The following GRK5 variants were observed in gnomAD, a reference collection of about 807,000 sequenced individuals.
GRK5 encodes G protein-coupled receptor kinase 5.
A neutral mutation model predicts 78.4 loss-of-function variants in GRK5; 40 were observed. The ratio of observed to expected loss-of-function variants is 0.51; its 90% CI spans 0.40 to 0.66. The LOEUF (loss-of-function observed/expected upper bound fraction) is 0.66, where lower values mean the gene tolerates loss of function less well. GRK5 is among the 30% of genes least tolerant of loss of function. The pLI is 0.00. For missense variants in GRK5, 598 were observed against 759.9 expected, an observed-to-expected ratio of 0.79 and a Z score of 2.50; for synonymous variants, 289 against 296.8, an observed-to-expected ratio of 0.97 and a Z score of 0.27.
chr10:119,277,278 G>A (rs1199025325), intron 1 of GRK5, among the ~76,000 whole-genome samples: 1 of 152,120 alleles, frequency 6.6e-6, no homozygotes, highest in Non-Finnish European at 1.5e-5. Flanking sequence ...CCCAACACCT[G>A]GCTGACTGCG....
intron 4 of GRK5, among the ~76,000 whole-genome samples, chr10:119,401,294 C>T (rs551212979): frequency 6.6e-5 from 10 of 152,312 alleles, no homozygotes; most frequent in African/African-American, 1.7e-4. Flanking sequence ...CCTACAAACC[C>T]GTGCCTGAAG....
Position 119,452,626 on chromosome 10 carries a change from G to A in GRK5, c.1405-45G>A, listed in dbSNP as rs1853311076. ...CAAGGCCTGGCTCGGGGCCACTGGA[G>A]CCGCAGGCGGGACATATGTGTGACC... On this transcript the variant is annotated intron_variant, in intron 13 of 15. Transcript: ENST00000392870. This position sits in a 1 kb window ranked among gnomAD's most constrained non-coding sequence, Gnocchi z 4.4. 1 of 1,610,670 alleles carries A rather than the reference G, an allele frequency of 6.2e-7. No individual in the cohort carries two copies. The highest frequency in any genetic ancestry group is 1.3e-5 in the African/African-American group (1 of 74,904).
At chr10:119,386,151 G>A (rs1851790333) in intron 3 of GRK5, among the ~76,000 whole-genome samples, 1 of 152,196 alleles carries the variant, frequency 6.6e-6, no homozygotes, top group Admixed American at 6.5e-5. Flanking sequence ...TCCCAAAGTG[G>A]TGGGATTACA....
intron 1 of GRK5, among the ~76,000 whole-genome samples, chr10:119,320,607 G>A (rs1379602423): frequency 1.3e-5 from 2 of 152,220 alleles, no homozygotes; most frequent in Admixed American, 1.3e-4. Context: ...GTAGAATTCA[G>A]GCTAAGACTG....
rs1425518073 is a variant in GRK5, at chr10:119,267,908, G to A, written c.53-58608G>A. Among the ~76,000 whole-genome samples, 1 of 152,176 alleles carries A rather than the reference G, an allele frequency of 6.6e-6. No individual in the cohort carries two copies. The highest frequency in any genetic ancestry group is 1.5e-5 in the Non-Finnish European group (1 of 68,020). On this transcript the variant is annotated intron_variant, in intron 1 of 15. Coordinates refer to ENST00000392870, the MANE Select transcript of GRK5 (RefSeq NM_005308.3). The surrounding 1 kb of genome is among the most constrained non-coding windows in gnomAD (Gnocchi z 4.1). Reference sequence around the variant, plus strand: ...CAAAACCCTACATGCTGCCTCATAGGAAATGGGGTCCCCTGAGGAGAAGGA... The same window carrying A: ...CAAAACCCTACATGCTGCCTCATAGAAAATGGGGTCCCCTGAGGAGAAGGA...
rs1367866719 is a variant in GRK5 at position 119,378,229 on chromosome 10, C to G, written c.149-2586C>G. Among the ~76,000 whole-genome samples the G allele has an allele frequency of 6.6e-6, 1 of 152,198 alleles. No homozygotes were observed. The highest frequency in any genetic ancestry group is 2.4e-5 in the African/African-American group (1 of 41,450). Reference sequence around the variant, plus strand: ...CCCCTCCCCGTCAGAACCTGGCACACACTGAGGCTAAATGCTTGTTGGAGT... The same window carrying G: ...CCCCTCCCCGTCAGAACCTGGCACAGACTGAGGCTAAATGCTTGTTGGAGT... On this transcript the variant is annotated intron_variant, in intron 2 of 15. Transcript: ENST00000392870. The surrounding 1 kb of genome is among the most constrained non-coding windows in gnomAD (Gnocchi z 4.5).
In GRK5 at chr10:119,425,032, A is replaced by C. The variant is rs1174730931; in HGVS notation, c.480A>C (p.Glu160Asp). ...HEYLRGEPFH[E>D]YLDSMFFDRF... ...ACCTGAGGGGAGAACCATTCCACGA[A>C]TATCTGGACAGCATGTTTTTTGACC... Residue 160 changes from glutamate to aspartate, a missense_variant, in exon 6 of 16, where the codon GAA becomes GAC. Glu to Asp is a conservative substitution (Grantham distance 45). Coordinates refer to ENST00000392870, the MANE Select transcript of GRK5 (RefSeq NM_005308.3). 3 of 1,614,052 alleles carry C rather than the reference A, an allele frequency of 1.9e-6. No homozygotes were observed. Among genetic ancestry groups the C allele is most frequent in the Admixed American group, 3.3e-5 (2 of 60,022 alleles).
At chr10:119,382,235 A>AGGCTCTGCCTTGGGCTTAGGGGT (rs1211908731) in intron 3 of GRK5, among the ~76,000 whole-genome samples, 18 of 152,042 alleles carry the variant, frequency 1.2e-4, no homozygotes, top group Non-Finnish European at 2.4e-4. Flanking sequence ...GGCTTAGGGG[A>AGGCTCTGCCTTGGGCTTAGGGGT]GGCTCTGCCT....
intron 9 of GRK5, among the ~76,000 whole-genome samples, chr10:119,439,103 G>A (rs1852981523): frequency 6.6e-6 from 1 of 152,196 alleles, no homozygotes; most frequent in Admixed American, 6.5e-5. Context: ...TCCTCTGCTG[G>A]CTCTCCCCTC....
chr10:119,358,718 C>T (rs1250830540), intron 2 of GRK5, among the ~76,000 whole-genome samples: 1 of 152,204 alleles, frequency 6.6e-6, no homozygotes, highest in Non-Finnish European at 1.5e-5. Context: ...TTTGGATCAT[C>T]CACTTTGTAT....
intron 1 of GRK5, among the ~76,000 whole-genome samples, chr10:119,297,527 G>A (rs1031375625): frequency 2.0e-5 from 3 of 152,202 alleles, no homozygotes; most frequent in South Asian, 2.1e-4. Flanking sequence ...TTGCCATTGC[G>A]ATGATACTAT....
At chr10:119,351,200 G>T (rs1258246467) in intron 2 of GRK5, among the ~76,000 whole-genome samples, 2 of 152,124 alleles carry the variant, frequency 1.3e-5, no homozygotes, top group Non-Finnish European at 2.9e-5. Context: ...GAAAGACTAA[G>T]TTGGAAAAAG....
chr10:119,244,590 C>T (rs1228539780), intron 1 of GRK5, among the ~76,000 whole-genome samples: 8 of 152,272 alleles, frequency 5.3e-5, no homozygotes, highest in African/African-American at 9.6e-5. Flanking sequence ...AAAAATTAGC[C>T]GGGCATGGTG....
chr10:119,271,804 T>C lies in GRK5; in HGVS notation c.53-54712T>C, dbSNP rs574987054. Reference sequence around the variant, plus strand: ...AGCTCCAGCACTTTGATTAGCTGTGTGACGTTGGGGAAGTTGCTTGCCTAA... The same window carrying C: ...AGCTCCAGCACTTTGATTAGCTGTGCGACGTTGGGGAAGTTGCTTGCCTAA... On this transcript the variant is annotated intron_variant, in intron 1 of 15. Coordinates refer to ENST00000392870, the MANE Select transcript of GRK5 (RefSeq NM_005308.3). The surrounding 1 kb of genome is among the most constrained non-coding windows in gnomAD (Gnocchi z 4.1). Among the ~76,000 whole-genome samples the C allele has an allele frequency of 3.8e-4, 58 of 152,318 alleles. 2 individuals are homozygous for C. Among genetic ancestry groups the C allele is most frequent in the African/African-American group, 1.4e-3 (57 of 41,564 alleles).
chr10:119,232,108 A>G (rs1848840890), intron 1 of GRK5, among the ~76,000 whole-genome samples: 1 of 152,244 alleles, frequency 6.6e-6, no homozygotes, highest in African/African-American at 2.4e-5. Flanking sequence ...TGAATGGATA[A>G]AGAAAATGTG....
chr10:119,421,211 T>A (rs1482232455), intron 4 of GRK5, among the ~76,000 whole-genome samples: 7 of 152,208 alleles, frequency 4.6e-5, no homozygotes, highest in Non-Finnish European at 7.3e-5. Flanking sequence ...CCATCGGCTC[T>A]CTCCTTCCTG....
intron 1 of GRK5, among the ~76,000 whole-genome samples, chr10:119,308,012 G>A (rs1380109565): frequency 6.6e-6 from 1 of 152,098 alleles, no homozygotes; most frequent in Non-Finnish European, 1.5e-5. Flanking sequence ...GCCTCTATGA[G>A]GCTCCATCTG....
chr10:119,272,954 C>A (rs1014904142), intron 1 of GRK5, among the ~76,000 whole-genome samples: 6 of 152,204 alleles, frequency 3.9e-5, no homozygotes, highest in Admixed American at 2.6e-4. Flanking sequence ...CAGAAGCTGG[C>A]TAGCCCCTTG....
intron 1 of GRK5, among the ~76,000 whole-genome samples, chr10:119,277,157 T>G (rs79891128): frequency 0.02 from 3,060 of 152,184 alleles, 60 homozygotes; most frequent in Admixed American, 0.053. Flanking sequence ...GTTGGCTGAT[T>G]GGGATTCTCT....
Sources: gnomAD v4.1 joint callset for allele counts (sites outside exome capture counted in the v4.1 genomes callset) on GRCh38, gnomAD v4.1.1 for gene constraint, Gnocchi (gnomAD v3.1) non-coding constraint, MANE v1.5 for transcripts, NCBI Gene and HGNC (gene_info 2026-07-23, HGNC 2026-07-21) for gene names.